The following IL10RB variants were observed in gnomAD, a reference collection of about 807,000 sequenced individuals.
The protein encoded by IL10RB is interleukin 10 receptor subunit beta.
IL10RB carries 30 observed loss-of-function variants against 38.7 expected under a neutral mutation model. The observed-to-expected ratio is 0.78, with a 90% CI of 0.58 to 1.05. The LOEUF is 1.05. IL10RB is among the 50% of genes least tolerant of loss of function. The pLI is 0.00. For missense variants in IL10RB, 328 were observed against 397.1 expected, an observed-to-expected ratio of 0.83 and a Z score of 1.48; for synonymous variants, 142 against 145.9, an observed-to-expected ratio of 0.97 and a Z score of 0.19.
chr21:33,280,877 T>C (rs1989268031), intron 4 of IL10RB, among the ~76,000 whole-genome samples: 1 of 152,214 alleles, frequency 6.6e-6, no homozygotes, highest in Non-Finnish European at 1.5e-5. Context: ...CTCAAGTTAA[T>C]TTTTTTCCCC....
At chr21:33,302,261 C>T (rs1251206957) in intron 1 of IL10RB, among the ~76,000 whole-genome samples, 1 of 152,242 alleles carries the variant, frequency 6.6e-6, no homozygotes, top group Non-Finnish European at 1.5e-5. Context: ...ATTCCCTGCT[C>T]CTCATCCAGG....
At chr21:33,279,723 A>C (rs1391736418) in intron 3 of IL10RB, 29 bp from the exon 4 acceptor site, 1 of 1,604,848 alleles carries the variant, frequency 6.2e-7, no homozygotes, top group Non-Finnish European at 8.5e-7. Flanking sequence ...GTGATTTTTG[A>C]TTGTCATTTT....
At chr21:33,306,960 T>C (rs1157737534) in intron 1 of IL10RB, among the ~76,000 whole-genome samples, 1 of 152,202 alleles carries the variant, frequency 6.6e-6, no homozygotes, top group Non-Finnish European at 1.5e-5. Flanking sequence ...CTTCCACTTC[T>C]TCTTTCCCTA....
At chr21:33,269,183 A>G (rs1989030595) in intron 2 of IL10RB, among the ~76,000 whole-genome samples, 1 of 152,258 alleles carries the variant, frequency 6.6e-6, no homozygotes, top group African/African-American at 2.4e-5. Context: ...CTAGACGGTC[A>G]TCTCAGTGGT....
intron 2 of IL10RB, among the ~76,000 whole-genome samples, chr21:33,275,152 C>CTTTTTTTT (rs71320298): frequency 3.9e-5 from 4 of 102,278 alleles, no homozygotes; most frequent in Admixed American, 1.1e-4. Context: ...TCCAACTTTT[C>CTTTTTTTT]TTTTTTTTTT....
At chr21:33,267,261 T>C (rs909948315) in intron 1 of IL10RB, among the ~76,000 whole-genome samples, 40 of 151,972 alleles carry the variant, frequency 2.6e-4, no homozygotes, top group African/African-American at 9.4e-4. Context: ...GGTTTCTATG[T>C]AGCTAATTGT....
rs543760240 is a variant in IL10RB at position 33,268,211 on chromosome 21, C to T, written c.50-183C>T. 28 of 1,505,094 alleles carry T rather than the reference C, an allele frequency of 1.9e-5. No individual in the cohort carries two copies. In the Admixed American group the frequency reaches 4.7e-4, roughly 25 times the overall value. The allele number at this position is 1,505,094 out of a possible 1,614,324, so 93.2% of individuals were successfully genotyped here. Reference sequence around the variant, plus strand: ...TACTCCTGCCCCTCCAGAAATTTCTCCTCACGGCTGTTCAAAGAAAATCTA... The same window carrying T: ...TACTCCTGCCCCTCCAGAAATTTCTTCTCACGGCTGTTCAAAGAAAATCTA... On this transcript the variant is annotated intron_variant, in intron 1 of 6. Coordinates refer to ENST00000290200, the MANE Select transcript of IL10RB (RefSeq NM_000628.5).
intron 6 of IL10RB, among the ~76,000 whole-genome samples, chr21:33,290,320 A>G (rs1989460969): frequency 6.6e-6 from 1 of 152,000 alleles, no homozygotes; most frequent in Non-Finnish European, 1.5e-5. Context: ...TTATATATAT[A>G]TATTTGAGGT....
At position 33,296,202 on chromosome 21, in the gene IL10RB, C is replaced by T. The variant is rs1237511761; in HGVS notation, c.823C>T (p.His275Tyr). Residue 275 changes from histidine (H) to tyrosine (Y), a missense_variant, in exon 7 of 7, where the codon CAT becomes TAT. Transcript: ENST00000290200. ...TCCACAGTTTTTGGGCCATCCTCATCATAACACACTTCTGTTTTTCTCCTT... is the reference window on the plus strand; with the variant it reads ...TCCACAGTTTTTGGGCCATCCTCATTATAACACACTTCTGTTTTTCTCCTT... ...HLKEFLGHPHHNTLLFFSFPL... is the reference protein window; with the variant it reads ...HLKEFLGHPHYNTLLFFSFPL... The T allele has an allele frequency of 1.9e-6, 3 of 1,613,938 alleles. No individual in the cohort carries two copies. Among genetic ancestry groups the T allele is most frequent in the Middle Eastern group, 3.3e-4 (2 of 6,062 alleles).
At chr21:33,269,810 C>A (rs1989043229) in intron 2 of IL10RB, among the ~76,000 whole-genome samples, 1 of 152,140 alleles carries the variant, frequency 6.6e-6, no homozygotes, top group Admixed American at 6.5e-5. Flanking sequence ...AGGCTCCCAC[C>A]ACCATGCCCA....
At chr21:33,281,402 C>T (rs1989277062) in intron 4 of IL10RB, among the ~76,000 whole-genome samples, 1 of 152,208 alleles carries the variant, frequency 6.6e-6, no homozygotes. Flanking sequence ...TGAATGCAAA[C>T]TCCACTTACT....
intron 2 of IL10RB, 32 bp from the exon 3 acceptor site, chr21:33,276,564 C>T (rs756571163): frequency 6.3e-7 from 1 of 1,598,932 alleles, no homozygotes; most frequent in Admixed American, 1.7e-5. Flanking sequence ...AGCCAGAACT[C>T]TCCTGATTGA....
In IL10RB at chr21:33,268,392, A is replaced by G; in HGVS notation, c.50-2A>G. ...GTAAATGTTTTTGTCTTATTTTCATAGCATTGGGAATGGTACCACCTCCCG... is the reference window on the plus strand; with the variant it reads ...GTAAATGTTTTTGTCTTATTTTCATGGCATTGGGAATGGTACCACCTCCCG... On this transcript the variant is annotated splice_acceptor_variant, in intron 1 of 6. Coordinates refer to ENST00000290200, the MANE Select transcript of IL10RB (RefSeq NM_000628.5). LOFTEE classifies it high-confidence loss of function. 1 of 1,614,142 alleles carries G rather than the reference A, an allele frequency of 6.2e-7. No individual in the cohort carries two copies. The highest frequency in any genetic ancestry group is 8.5e-7 in the Non-Finnish European group (1 of 1,179,932).
chr21:33,295,151 G>C (rs2082958900), intron 6 of IL10RB, among the ~76,000 whole-genome samples: 1 of 151,890 alleles, frequency 6.6e-6, no homozygotes. Flanking sequence ...AGATCACGAG[G>C]TCAGGAGATC....
chr21:33,295,231 G>A (rs936359079), intron 6 of IL10RB, among the ~76,000 whole-genome samples: 10 of 151,558 alleles, frequency 6.6e-5, no homozygotes, highest in East Asian at 3.9e-4. Context: ...GGTGGTGGGC[G>A]CCTATAGTCC....
downstream of IL10RB, among the ~76,000 whole-genome samples, chr21:33,299,671 G>A (rs1022520212): frequency 6.6e-6 from 1 of 152,218 alleles, no homozygotes; most frequent in Non-Finnish European, 1.5e-5. Flanking sequence ...CGCCAGGAGA[G>A]CTTTAGAAAT....
intron 6 of IL10RB, 100 bp downstream of exon 6, chr21:33,288,361 G>A: frequency 1.0e-6 from 1 of 966,218 alleles, no homozygotes; most frequent in Non-Finnish European, 1.6e-6. Flanking sequence ...TGTTTTCCAG[G>A]AAAACACACA....
At chr21:33,284,363 C>T (rs180961878) in intron 5 of IL10RB, among the ~76,000 whole-genome samples, 11 of 150,968 alleles carry the variant, frequency 7.3e-5, no homozygotes. Context: ...CACCCATGAA[C>T]TGACAAAATC....
At chr21:33,294,072 A>T (rs145006042) in intron 6 of IL10RB, 1 of 470,936 alleles carries the variant, frequency 2.1e-6, no homozygotes, top group African/African-American at 2.0e-5. Context: ...TGCTGGCATA[A>T]GCTCTCACCT....
Sources: allele counts gnomAD v4.1 joint callset (sites outside exome capture counted in the v4.1 genomes callset), GRCh38; gene constraint gnomAD v4.1.1; transcripts MANE v1.5; gene names NCBI Gene and HGNC (gene_info 2026-07-23, HGNC 2026-07-21).